NRP2: variants seen among roughly 807,000 people sequenced by gnomAD.
NRP2 encodes the protein neuropilin-2.
A neutral mutation model predicts 110.4 loss-of-function variants in NRP2; 52 were observed. The observed-to-expected ratio is 0.47, with a 90% CI of 0.38 to 0.59. The LOEUF (loss-of-function observed/expected upper bound fraction) is 0.59, where lower values mean the gene tolerates loss of function less well. Among genes scored for constraint, NRP2 ranks in the 20% least tolerant of loss-of-function variants. NRP2 has a pLI of 0.00. For missense variants in NRP2, 1,049 were observed against 1,203.0 expected (o/e 0.87, Z 1.89); for synonymous variants, 508 against 468.9 (o/e 1.08, Z -1.08).
chr2:205,749,882 G>T, intron 11 of NRP2, 41 bp downstream of exon 11: 1 of 1,475,838 alleles, frequency 6.8e-7, no homozygotes, highest in East Asian at 2.3e-5. Context: ...GTGCGGACTA[G>T]TCAGAGTGGG....
At chr2:205,781,312 T>C (rs2058171199) in intron 15 of NRP2, among the ~76,000 whole-genome samples, 2 of 152,252 alleles carry the variant, frequency 1.3e-5, no homozygotes, top group South Asian at 4.1e-4. Flanking sequence ...ATTTCTTATG[T>C]AGCCCAAGCA....
chr2:205,684,174 C>T (rs1381865582), intron 1 of NRP2, among the ~76,000 whole-genome samples: 1 of 152,128 alleles, frequency 6.6e-6, no homozygotes, highest in African/African-American at 2.4e-5. Context: ...CATTTCGAGG[C>T]CCAGAACAGT....
intron 10 of NRP2, 101 bp from the exon 11 acceptor site, chr2:205,749,624 C>A (rs1477103951): frequency 2.2e-6 from 2 of 922,556 alleles, no homozygotes; most frequent in Non-Finnish European, 3.6e-6. Flanking sequence ...CACATGTGTG[C>A]ATCTTCTTTC....
In NRP2 at chr2:205,796,652, T is replaced by C. The variant is rs922940747; in HGVS notation, c.*1594T>C. ...GGAATGAGTCCTGCTACCCGAGTGG[T>C]AGTCATAGCCCTAGATGACTCTCAA... On this transcript the variant is annotated 3_prime_UTR_variant, in exon 17 of 17. Transcript: ENST00000357785. The C allele has an allele frequency of 1.3e-5, 2 of 152,548 alleles. No homozygotes were observed. Among genetic ancestry groups the C allele is most frequent in the African/African-American group, 4.8e-5 (2 of 41,422 alleles). 9.4% of individuals were successfully genotyped at this position (152,548 alleles called of 1,614,324 possible).
At chr2:205,746,858 C>A (rs778971868) in intron 10 of NRP2, among the ~76,000 whole-genome samples, 2 of 152,216 alleles carry the variant, frequency 1.3e-5, no homozygotes, top group African/African-American at 4.8e-5. Flanking sequence ...GCTACAGCAG[C>A]GCAGAGGAGC....
In NRP2 at chr2:205,776,271, G is replaced by T. The variant is rs529125541; in HGVS notation, c.2425+9468G>T. 29 of 1,612,976 alleles carry T rather than the reference G, an allele frequency of 1.8e-5. No homozygotes were observed. Among genetic ancestry groups the T allele is most frequent in the Non-Finnish European group, 2.1e-5 (25 of 1,180,042 alleles). ...GGGGCACCCTCCTGCCAGGGACCGA[G>T]CCCACAGTGGACACGGTGCCCATGC... On this transcript the variant is annotated intron_variant, in intron 15 of 16. Coordinates refer to ENST00000357785, the MANE Select transcript of NRP2 (RefSeq NM_003872.3).
intron 2 of NRP2, among the ~76,000 whole-genome samples, chr2:205,712,750 G>A (rs1276456229): frequency 6.6e-6 from 1 of 152,168 alleles, no homozygotes; most frequent in Non-Finnish European, 1.5e-5. Context: ...GTTAAGTGGG[G>A]CTTGTCCACA....
At chr2:205,708,467 C>T (rs1047741856) in intron 2 of NRP2, among the ~76,000 whole-genome samples, 2 of 152,126 alleles carry the variant, frequency 1.3e-5, no homozygotes, top group African/African-American at 4.8e-5. Context: ...TTGTTGCGTG[C>T]CCTTAATTCT....
intron 7 of NRP2, among the ~76,000 whole-genome samples, chr2:205,730,238 G>C (rs1424749670): frequency 1.3e-5 from 2 of 152,202 alleles, no homozygotes; most frequent in Non-Finnish European, 2.9e-5. Flanking sequence ...TTAATGTGCA[G>C]ATTCCCCCTC....
intron 10 of NRP2, among the ~76,000 whole-genome samples, chr2:205,747,197 G>A (rs116597964): frequency 3.9e-5 from 6 of 152,096 alleles, no homozygotes; most frequent in South Asian, 2.1e-4. Context: ...TTCACAACCC[G>A]CTTCACTTAT....
At chr2:205,756,418 G>A (rs1436290781) in intron 12 of NRP2, 2 of 152,178 alleles carry the variant, frequency 1.3e-5, no homozygotes, top group Non-Finnish European at 2.9e-5. Context: ...TTTAAGAACC[G>A]AGACAAAAAC....
intron 15 of NRP2, among the ~76,000 whole-genome samples, chr2:205,768,836 C>G (rs1279095979): frequency 6.6e-6 from 1 of 152,124 alleles, no homozygotes; most frequent in African/African-American, 2.4e-5. Flanking sequence ...GCTTGGGGAG[C>G]AGAGACTTGG....
intron 15 of NRP2, among the ~76,000 whole-genome samples, chr2:205,772,738 T>C (rs1208123531): frequency 1.3e-5 from 2 of 152,224 alleles, no homozygotes; most frequent in African/African-American, 4.8e-5. Context: ...GGCTCCTTTT[T>C]TGTCAAGCAA....
chr2:205,748,380 T>C (rs1243304673), intron 10 of NRP2, among the ~76,000 whole-genome samples: 2 of 152,198 alleles, frequency 1.3e-5, no homozygotes, highest in Non-Finnish European at 1.5e-5. Flanking sequence ...GTGTTTCAAA[T>C]AATTATGTTT....
intron 1 of NRP2, among the ~76,000 whole-genome samples, chr2:205,683,871 G>A (rs2056078678): frequency 6.6e-6 from 1 of 152,138 alleles, no homozygotes; most frequent in Admixed American, 6.5e-5. Context: ...AGAATGACTG[G>A]TTATGCTTCA....
rs11280948 is a variant in NRP2, at chr2:205,795,361, GTAT to G, written c.*331_*333del. ...ACAGTTCTATTTTGTTTGTGAGTTT[GTAT>G]TATTATTATTATTATTATTATTATT... On this transcript the variant is annotated 3_prime_UTR_variant, in exon 17 of 17. Coordinates refer to ENST00000357785, the MANE Select transcript of NRP2 (RefSeq NM_003872.3). 0.17 allele frequency: 25,159 copies of G among 146,430 alleles called. 2,757 individuals are homozygous for G. The highest frequency in any genetic ancestry group is 0.33 in the East Asian group (1,652 of 5,032). The allele number at this position is 146,430 out of a possible 1,614,324, so 9.1% of individuals were successfully genotyped here. A position where few individuals can be genotyped will look rare whatever the true frequency, so the allele number is the denominator to read the frequency against.
chr2:205,723,526 C>T (rs544303912), intron 4 of NRP2, among the ~76,000 whole-genome samples: 6 of 152,312 alleles, frequency 3.9e-5, no homozygotes, highest in African/African-American at 1.4e-4. Flanking sequence ...GATACCTTTC[C>T]AGCTCATCTT....
At chr2:205,789,556 G>A (rs986214569) in intron 15 of NRP2, among the ~76,000 whole-genome samples, 1 of 152,106 alleles carries the variant, frequency 6.6e-6, no homozygotes, top group Admixed American at 6.5e-5. Context: ...CCCTGACTTC[G>A]GCAGCTAGGT....
In NRP2 at chr2:205,763,112, G is replaced by C. The variant is rs1176894496; in HGVS notation, c.2045-562G>C. Among the ~76,000 whole-genome samples the C allele has an allele frequency of 6.6e-6, 1 of 152,120 alleles. No individual in the cohort carries two copies. The highest frequency in any genetic ancestry group is 1.5e-5 in the Non-Finnish European group (1 of 68,028). On this transcript the variant is annotated intron_variant, in intron 12 of 16. Transcript: ENST00000357785. This position sits in a 1 kb window ranked among gnomAD's most constrained non-coding sequence, Gnocchi z 4.0. ...CTGAGTCACAGTCACTAGAGCCCAA[G>C]CATCATCTAGGAGCACTGATGGAGA... is the stretch of plus-strand genomic sequence containing the variant.
Sources: allele counts gnomAD v4.1 joint callset (sites outside exome capture counted in the v4.1 genomes callset), GRCh38; gene constraint gnomAD v4.1.1; non-coding constraint Gnocchi (gnomAD v3.1); transcripts MANE v1.5; gene names NCBI Gene and HGNC (gene_info 2026-07-23, HGNC 2026-07-21).